Variants in SCMH1 observed in about 807,000 individuals in gnomAD.
SCMH1 encodes the protein Scm polycomb group protein homolog 1, also known as polycomb protein SCMH1.
Under a neutral mutation model 70.8 loss-of-function variants are expected in SCMH1, and 37 were observed. That is an observed-to-expected ratio of 0.52 (90% CI 0.40 to 0.69). The LOEUF (loss-of-function observed/expected upper bound fraction) is 0.69. SCMH1 is among the 30% of genes least tolerant of loss of function. The probability of loss-of-function intolerance (pLI) is 0.00; values close to 1 mark genes in which losing one functional copy is unlikely to be tolerated. For synonymous variants in SCMH1, 292 were observed against 307.4 expected, an observed-to-expected ratio of 0.95 and a Z score of 0.52; for missense variants, 607 against 827.3, an observed-to-expected ratio of 0.73 and a Z score of 3.27.
chr1:41,066,565 C>T (rs1654667518), intron 10 of SCMH1, among the ~76,000 whole-genome samples: 3 of 152,100 alleles, frequency 2.0e-5, no homozygotes, highest in African/African-American at 4.8e-5. Context: ...TTTTAGTCAG[C>T]CATCTTTTTT....
At chr1:41,065,084 T>G (rs745773381) in intron 10 of SCMH1, among the ~76,000 whole-genome samples, 1 of 152,252 alleles carries the variant, frequency 6.6e-6, no homozygotes, top group Non-Finnish European at 1.5e-5. Flanking sequence ...TTTGTGTTCA[T>G]GGATAAGAAG....
intron 1 of SCMH1, among the ~76,000 whole-genome samples, chr1:41,200,508 AATAATAAT>A (rs899772109): frequency 1.4e-5 from 2 of 145,876 alleles, no homozygotes; most frequent in Non-Finnish European, 3.0e-5. Flanking sequence ...TAATAATAAT[AATAATAAT>A]ATAATAATAA....
intron 5 of SCMH1, among the ~76,000 whole-genome samples, chr1:41,148,957 A>AT (rs1644829185): frequency 6.6e-6 from 1 of 151,680 alleles, no homozygotes; most frequent in African/African-American, 2.4e-5. Flanking sequence ...TGCCCGGCTA[A>AT]TTTTTTTGTA....
At chr1:41,178,452 T>C (rs1408058335) in intron 2 of SCMH1, among the ~76,000 whole-genome samples, 2 of 151,180 alleles carry the variant, frequency 1.3e-5, no homozygotes, top group Admixed American at 6.6e-5. Flanking sequence ...GCAAATTGGA[T>C]AGTCAAGACC....
At chr1:41,040,362 A>T (rs577462060) in intron 12 of SCMH1, among the ~76,000 whole-genome samples, 54 of 152,318 alleles carry the variant, frequency 3.5e-4, no homozygotes, top group African/African-American at 1.3e-3. Context: ...TTCCCAGTGG[A>T]GGATGATCAG....
At chr1:41,228,315 G>C (rs1660650831) in intron 1 of SCMH1, among the ~76,000 whole-genome samples, 1 of 152,176 alleles carries the variant, frequency 6.6e-6, no homozygotes, top group Non-Finnish European at 1.5e-5. Flanking sequence ...TTAACAAAAT[G>C]AAACAAGTTC....
chr1:41,063,270 G>A (rs1653408607), intron 10 of SCMH1, among the ~76,000 whole-genome samples: 1 of 151,924 alleles, frequency 6.6e-6, no homozygotes, highest in Non-Finnish European at 1.5e-5. Context: ...GCAGGAGGTC[G>A]AGACCACCCT....
intron 12 of SCMH1, among the ~76,000 whole-genome samples, chr1:41,042,351 C>A (rs1298487488): frequency 6.6e-6 from 1 of 151,978 alleles, no homozygotes; most frequent in Non-Finnish European, 1.5e-5. Flanking sequence ...CAGGTTCAAG[C>A]GATTCTCCTG....
intron 10 of SCMH1, among the ~76,000 whole-genome samples, chr1:41,057,951 T>C (rs778764751): frequency 8.6e-5 from 13 of 151,812 alleles, no homozygotes; most frequent in Non-Finnish European, 1.6e-4. Flanking sequence ...CAAAACCTTG[T>C]CTCTACTAAA....
At chr1:41,078,978 A>G (rs1300661436) in intron 8 of SCMH1, among the ~76,000 whole-genome samples, 1 of 152,262 alleles carries the variant, frequency 6.6e-6, no homozygotes, top group Non-Finnish European at 1.5e-5. Context: ...ACAGAGGATG[A>G]AAGTGGAGAG....
At chr1:41,123,049 G>A (rs918733179) in intron 6 of SCMH1, among the ~76,000 whole-genome samples, 3 of 152,118 alleles carry the variant, frequency 2.0e-5, no homozygotes, top group African/African-American at 7.2e-5. Context: ...GTGAGACCCT[G>A]TTTCTACAAA....
intron 6 of SCMH1, among the ~76,000 whole-genome samples, chr1:41,126,744 A>C (rs1391924322): frequency 1.3e-5 from 2 of 152,252 alleles, no homozygotes; most frequent in South Asian, 2.1e-4. Flanking sequence ...TCCTCATTCT[A>C]TTTTATGGTT....
intron 13 of SCMH1, among the ~76,000 whole-genome samples, chr1:41,034,441 T>C (rs1645010677): frequency 6.6e-6 from 1 of 151,988 alleles, no homozygotes; most frequent in Non-Finnish European, 1.5e-5. Flanking sequence ...CATTCTCCTG[T>C]CTCAGCCTCC....
At chr1:41,075,928 T>C (rs1658162270) in intron 8 of SCMH1, among the ~76,000 whole-genome samples, 1 of 152,196 alleles carries the variant, frequency 6.6e-6, no homozygotes, top group South Asian at 2.1e-4. Context: ...TACATCAATC[T>C]ACTTGAAGTT....
At chr1:41,179,130 T>C (rs965504575) in intron 2 of SCMH1, among the ~76,000 whole-genome samples, 2 of 152,252 alleles carry the variant, frequency 1.3e-5, no homozygotes, top group Non-Finnish European at 2.9e-5. Context: ...TGCTCCTGAA[T>C]GACTACTGGG....
intron 1 of SCMH1, among the ~76,000 whole-genome samples, chr1:41,239,874 A>G (rs933179717): frequency 6.6e-6 from 1 of 152,162 alleles, no homozygotes; most frequent in Non-Finnish European, 1.5e-5. Context: ...GGCCTCAAAG[A>G]GTTGCCTGCC....
chr1:41,153,199 T>C (rs1645224186), intron 4 of SCMH1, among the ~76,000 whole-genome samples: 1 of 152,260 alleles, frequency 6.6e-6, no homozygotes. Flanking sequence ...CTCTGGCATC[T>C]AGAGCAGCAC....
intron 8 of SCMH1, among the ~76,000 whole-genome samples, chr1:41,079,047 ATTT>A (rs1659195195): frequency 6.6e-6 from 1 of 152,198 alleles, no homozygotes; most frequent in Non-Finnish European, 1.5e-5. Flanking sequence ...TAGAGCACTT[ATTT>A]AAGGTAGATT....
At chr1:41,045,136 T>A (rs1646738700) in intron 12 of SCMH1, among the ~76,000 whole-genome samples, 1 of 152,182 alleles carries the variant, frequency 6.6e-6, no homozygotes, top group African/African-American at 2.4e-5. Flanking sequence ...CTGGACCAGC[T>A]CTACCATGCC....
Sources: gnomAD v4.1 joint callset for allele counts (sites outside exome capture counted in the v4.1 genomes callset) on GRCh38, gnomAD v4.1.1 for gene constraint, MANE v1.5 for transcripts, NCBI Gene and HGNC (gene_info 2026-07-23, HGNC 2026-07-21) for gene names.